MYO16: variants seen among roughly 807,000 people sequenced by gnomAD.
MYO16 encodes unconventional myosin-XVI.
A neutral mutation model predicts 205.3 loss-of-function variants in MYO16; 94 were observed. That is an observed-to-expected ratio of 0.46 (90% CI 0.39 to 0.54). The LOEUF (loss-of-function observed/expected upper bound fraction) is 0.54. Among genes scored for constraint, MYO16 ranks in the 20% least tolerant of loss-of-function variants. MYO16 has a pLI of 0.00. For missense variants in MYO16, 2,315 were observed against 2,387.5 expected, an observed-to-expected ratio of 0.97 and a Z score of 0.63; for synonymous variants, 988 against 954.0, an observed-to-expected ratio of 1.04 and a Z score of -0.66.
intron 20 of MYO16, among the ~76,000 whole-genome samples, chr13:108,990,329 T>C (rs1296642318): frequency 1.3e-5 from 2 of 152,086 alleles, no homozygotes; most frequent in East Asian, 1.9e-4. Context: ...AACAGAAAAC[T>C]GGAGAGACAT....
At chr13:109,028,272 G>A (rs1372374643) in intron 23 of MYO16, 1 of 164,104 alleles carries the variant, frequency 6.1e-6, no homozygotes, top group Non-Finnish European at 1.3e-5. Context: ...TAAAAATATT[G>A]TATAATATAA....
intron 27 of MYO16, among the ~76,000 whole-genome samples, chr13:109,072,981 C>T (rs1025956099): frequency 6.6e-6 from 1 of 152,084 alleles, no homozygotes; most frequent in Non-Finnish European, 1.5e-5. Flanking sequence ...AATTGAGTGC[C>T]CTTGCAGTTC....
In MYO16 at chr13:109,153,077, A is replaced by G. The variant is rs574021995; in HGVS notation, c.5164+11701A>G. The stretch of plus-strand genomic sequence containing the variant: ...AGAGATACTACTCGGGATTCACAAA[A>G]CACGACGTATCCATGACGCTCGTTC... On this transcript the variant is annotated intron_variant, in intron 32 of 34. Coordinates refer to ENST00000457511, the MANE Select transcript of MYO16 (RefSeq NM_001198950.3). Among the ~76,000 whole-genome samples the G allele has an allele frequency of 3.9e-5, 6 of 152,232 alleles. No individual in the cohort carries two copies. The East Asian group carries it at 1.2e-3, about 29-fold the overall frequency.
chr13:109,181,732 C>T (rs1191399238), intron 34 of MYO16, among the ~76,000 whole-genome samples: 1 of 150,660 alleles, frequency 6.6e-6, no homozygotes, highest in Admixed American at 6.6e-5. Flanking sequence ...TCATATGTTC[C>T]GTTTCTGAGA....
chr13:108,597,137 C>T (rs1434539320), intron 1 of MYO16, among the ~76,000 whole-genome samples: 1 of 152,178 alleles, frequency 6.6e-6, no homozygotes, highest in Non-Finnish European at 1.5e-5. Context: ...TTCCTTTACT[C>T]AGATGTTAGT....
intron 10 of MYO16, among the ~76,000 whole-genome samples, chr13:108,851,717 T>C (rs1320753956): frequency 1.3e-5 from 2 of 152,182 alleles, no homozygotes; most frequent in Middle Eastern, 3.2e-3. Context: ...CTCTTTGACC[T>C]CTTCCTTGGG....
At chr13:108,746,843 T>G (rs1322008016) in intron 4 of MYO16, among the ~76,000 whole-genome samples, 1 of 151,986 alleles carries the variant, frequency 6.6e-6, no homozygotes, top group Non-Finnish European at 1.5e-5. Context: ...AAAAACAGCT[T>G]TACTTAAGTA....
intron 21 of MYO16, among the ~76,000 whole-genome samples, chr13:108,997,806 C>T (rs1221864185): frequency 6.6e-6 from 1 of 152,144 alleles, no homozygotes; most frequent in Non-Finnish European, 1.5e-5. Context: ...CCACCGTACT[C>T]CAGCCTGGGC....
chr13:108,878,839 G>A (rs564302895), intron 12 of MYO16, among the ~76,000 whole-genome samples: 3 of 152,316 alleles, frequency 2.0e-5, no homozygotes, highest in South Asian at 2.1e-4. Context: ...CCAAACAGAT[G>A]AGCCACACCC....
intron 2 of MYO16, among the ~76,000 whole-genome samples, chr13:108,689,582 A>C (rs1237345674): frequency 6.6e-6 from 1 of 152,164 alleles, no homozygotes; most frequent in African/African-American, 2.4e-5. Context: ...GAATTCAATT[A>C]ACTTTCATTG....
intron 27 of MYO16, among the ~76,000 whole-genome samples, chr13:109,071,331 T>C (rs1302547160): frequency 1.3e-5 from 2 of 152,180 alleles, no homozygotes; most frequent in Non-Finnish European, 2.9e-5. Flanking sequence ...AAACTTTTTA[T>C]ATATTCAAAA....
intron 7 of MYO16, among the ~76,000 whole-genome samples, chr13:108,817,151 A>G (rs1049825083): frequency 1.3e-5 from 2 of 152,230 alleles, no homozygotes; most frequent in African/African-American, 4.8e-5. Context: ...TATAAAGTTA[A>G]GTATACACTT....
chr13:109,013,113 C>CT (rs1566460718), intron 22 of MYO16, among the ~76,000 whole-genome samples: 8 of 35,246 alleles, frequency 2.3e-4, no homozygotes, highest in Non-Finnish European at 3.8e-4. Context: ...ACCCCTCCCC[C>CT]ACCCCCCCCC....
intron 22 of MYO16, among the ~76,000 whole-genome samples, chr13:109,015,895 A>G (rs1885796849): frequency 6.6e-6 from 1 of 151,558 alleles, no homozygotes; most frequent in Admixed American, 6.6e-5. Context: ...AATTTTGTTG[A>G]TCTTTTCAGA....
intron 1 of MYO16, among the ~76,000 whole-genome samples, chr13:108,600,193 G>A (rs1566498609): frequency 6.6e-6 from 1 of 152,180 alleles, no homozygotes; most frequent in Non-Finnish European, 1.5e-5. Flanking sequence ...AGGGTAGGGG[G>A]AAATTGATGA....
chr13:108,913,903 C>T (rs920831362), intron 16 of MYO16, among the ~76,000 whole-genome samples: 1 of 152,160 alleles, frequency 6.6e-6, no homozygotes, highest in Non-Finnish European at 1.5e-5. Context: ...AAACACCAAC[C>T]TGTAACCAAT....
chr13:109,152,408 T>C (rs12431165), intron 32 of MYO16, among the ~76,000 whole-genome samples: 3,724 of 152,282 alleles, frequency 0.024, 70 homozygotes, highest in Non-Finnish European at 0.038. Context: ...TTCCAGACAG[T>C]AAAACTCTAA....
intron 4 of MYO16, among the ~76,000 whole-genome samples, chr13:108,741,317 G>C (rs1013844373): frequency 1.3e-5 from 2 of 152,174 alleles, no homozygotes; most frequent in Non-Finnish European, 2.9e-5. Context: ...AACTCATTAA[G>C]TGAGTGCTAT....
At position 108,646,561 on chromosome 13, in the gene MYO16, A is replaced by G. The variant is rs538651384; in HGVS notation, c.28+16689A>G. ...CTTCATCTTTGAATTTCAAAATTTT[A>G]GCCTTTATCAAATTTCAGATCAAAA... On this transcript the variant is annotated intron_variant, in intron 1 of 34. Transcript: ENST00000457511. 4.6e-5 allele frequency among the ~76,000 whole-genome samples: 7 copies of G among 152,320 alleles called. No homozygotes were observed. The South Asian group carries it at 1.4e-3, about 32-fold the overall frequency.
Sources: gnomAD v4.1 joint callset for allele counts (sites outside exome capture counted in the v4.1 genomes callset) on GRCh38, gnomAD v4.1.1 for gene constraint, MANE v1.5 for transcripts, NCBI Gene and HGNC (gene_info 2026-07-23, HGNC 2026-07-21) for gene names.